NRXN1: variants seen among roughly 807,000 people sequenced by gnomAD.
NRXN1 encodes the protein neurexin 1.
A neutral mutation model predicts 150.9 loss-of-function variants in NRXN1; 39 were observed. That is an observed-to-expected ratio of 0.26 (90% confidence interval 0.20 to 0.34). The LOEUF (loss-of-function observed/expected upper bound fraction) is 0.34. Among genes scored for constraint, NRXN1 ranks in the 10% least tolerant of loss-of-function variants. NRXN1 has a pLI of 1.00. For synonymous variants in NRXN1, 924 were observed against 757.0 expected (o/e 1.22, Z -3.62); for missense variants, 1,815 against 1,949.9 (o/e 0.93, Z 1.30).
intron 17 of NRXN1, among the ~76,000 whole-genome samples, chr2:50,412,119 ACT>A (rs2083232004): frequency 6.6e-6 from 1 of 151,998 alleles, no homozygotes; most frequent in Admixed American, 6.6e-5. Flanking sequence ...AAGGCAGCAT[ACT>A]CATTAAGTCA....
In NRXN1 at chr2:50,538,426, C is replaced by T. The variant is rs781319797; in HGVS notation, c.1970G>A (p.Arg657Gln). ...AGTACTTTGAACTTCAGCCATTTGC[C>T]GGATATCTTTGCTTTGGCCATCGAT... ...LFIDGQSKDI[R>Q]QMAEVQSTAG... The change falls in exon 10 of 23, where the codon CGG becomes CAG. Residue 657 changes from arginine to glutamine, a missense_variant. Arg to Gln is a conservative substitution (Grantham distance 43). Around this residue, in one of 6 missense-constraint regions of NRXN1, gnomAD observed 638 missense variants for 652.6 expected, o/e 0.98. Coordinates refer to ENST00000401669, the MANE Select transcript of NRXN1 (RefSeq NM_001330078.2). 12 of 1,613,918 alleles carry T rather than the reference C, an allele frequency of 7.4e-6. No individual in the cohort carries two copies. In the East Asian group the frequency reaches 1.1e-4, roughly 15 times the overall value.
chr2:50,597,323 T>G (rs1474441316), intron 8 of NRXN1, among the ~76,000 whole-genome samples: 1 of 152,146 alleles, frequency 6.6e-6, no homozygotes, highest in Admixed American at 6.5e-5. Context: ...CAGTCTCTCT[T>G]ATCTACTACT....
At chr2:50,888,540 T>A (rs143923628) in intron 5 of NRXN1, among the ~76,000 whole-genome samples, 274 of 151,634 alleles carry the variant, frequency 1.8e-3, no homozygotes, top group African/African-American at 6.3e-3. Flanking sequence ...TTGCTCCCTC[T>A]GTTATCTTTT....
intron 17 of NRXN1, among the ~76,000 whole-genome samples, chr2:50,404,073 A>G (rs932681747): frequency 1.3e-5 from 2 of 151,510 alleles, no homozygotes; most frequent in Non-Finnish European, 2.9e-5. Flanking sequence ...TTTTTCACTT[A>G]CTCCCTACCC....
chr2:50,598,430 A>AC (rs1473899669), intron 8 of NRXN1, among the ~76,000 whole-genome samples: 1 of 151,314 alleles, frequency 6.6e-6, no homozygotes, highest in African/African-American at 2.4e-5. Flanking sequence ...AATAAAATAA[A>AC]CTTTTTTAAA....
rs1323306682 is a variant in NRXN1, at chr2:50,522,719, C to CCTTTTTTTTTTTTTTTTTT, written c.2374+5905_2374+5906insAAAAAAAAAAAAAAAAAAG. Among the ~76,000 whole-genome samples, 15 of 86,596 alleles carry CCTTTTTTTTTTTTTTTTTT rather than the reference C, an allele frequency of 1.7e-4. 6 individuals are homozygous for CCTTTTTTTTTTTTTTTTTT. Among genetic ancestry groups the CCTTTTTTTTTTTTTTTTTT allele is most frequent in the African/African-American group, 2.4e-4 (4 of 16,768 alleles). The allele number at this position is 86,596 out of a possible 152,430, so 56.8% of individuals were successfully genotyped here. On this transcript the variant is annotated intron_variant, in intron 12 of 22. Transcript: ENST00000401669. ...TTCCATTTATTCATTTATTTTTATT[C>CCTTTTTTTTTTTTTTTTTT]ATTTTTTTTTTTTTTTTTTTTTTTT...
rs185211707 is a variant in NRXN1, at chr2:50,421,046, A to G, written c.3364+44396T>C. Among the ~76,000 whole-genome samples, 378 of 144,052 alleles carry G rather than the reference A, an allele frequency of 2.6e-3. 3 individuals carry two copies. Among genetic ancestry groups the G allele is most frequent in the African/African-American group, 9.3e-3 (363 of 38,994 alleles). 94.5% of individuals were successfully genotyped at this position (144,052 alleles called of 152,430 possible). ...TCACATTGTTCTATCCCTCTGGCCT[A>G]CCATATTCTTATTCATATATCTTGC... is the stretch of plus-strand genomic sequence containing the variant. On this transcript the variant is annotated intron_variant, in intron 17 of 22. Transcript: ENST00000401669.
chr2:50,490,213 T>C (rs919948901), intron 15 of NRXN1, among the ~76,000 whole-genome samples: 2 of 152,190 alleles, frequency 1.3e-5, no homozygotes, highest in African/African-American at 4.8e-5. Context: ...GGCTCATCCA[T>C]CCCATTGAAG....
At chr2:50,328,922 GCA>G (rs1254662968) in intron 17 of NRXN1, among the ~76,000 whole-genome samples, 1 of 152,064 alleles carries the variant, frequency 6.6e-6, no homozygotes, top group East Asian at 1.9e-4. Context: ...GTTATTTCAA[GCA>G]CAGTTATCTG....
intron 5 of NRXN1, among the ~76,000 whole-genome samples, chr2:50,671,641 C>T (rs1688871760): frequency 6.6e-6 from 1 of 151,380 alleles, no homozygotes; most frequent in African/African-American, 2.4e-5. Context: ...AGCATGCTGG[C>T]CTTGAGGAAA....
At chr2:50,802,483 T>A (rs2111193) in intron 5 of NRXN1, among the ~76,000 whole-genome samples, 71,461 of 138,972 alleles carry the variant, frequency 0.51, 18,295 homozygotes, top group African/African-American at 0.63. Flanking sequence ...CAAGAGTGAA[T>A]CTCTGAGAAA....
intron 2 of NRXN1, among the ~76,000 whole-genome samples, chr2:50,933,340 A>C (rs1688050902): frequency 6.6e-6 from 1 of 152,148 alleles, no homozygotes; most frequent in Non-Finnish European, 1.5e-5. Context: ...CACATAAAAT[A>C]TATTTGCTCT....
intron 5 of NRXN1, among the ~76,000 whole-genome samples, chr2:50,889,007 G>A (rs1240489904): frequency 6.6e-6 from 1 of 151,700 alleles, no homozygotes; most frequent in Admixed American, 6.6e-5. Context: ...CTACTTTACA[G>A]ATCAAACTAT....
chr2:50,859,838 TTG>T (rs58904379), intron 5 of NRXN1, among the ~76,000 whole-genome samples: 23,081 of 147,484 alleles, frequency 0.16, 1,898 homozygotes, highest in Admixed American at 0.22. Context: ...ACAATTATGT[TTG>T]TGTGTGTGTG....
In NRXN1 at chr2:50,693,565, G is replaced by A. The variant is rs1574125300; in HGVS notation, c.833-69950C>T. ...CCACAAATGCAAAAATGGCACAACTGCACTACTGAAATAAATACGTTGAAT... is the reference window on the plus strand; with the variant it reads ...CCACAAATGCAAAAATGGCACAACTACACTACTGAAATAAATACGTTGAAT... On this transcript the variant is annotated intron_variant, in intron 5 of 22. Coordinates refer to ENST00000401669, the MANE Select transcript of NRXN1 (RefSeq NM_001330078.2). Among the ~76,000 whole-genome samples the A allele has an allele frequency of 2.0e-5, 3 of 152,188 alleles. No homozygotes were observed. In the South Asian group the frequency reaches 6.2e-4, roughly 32 times the overall value.
At chr2:50,672,005 C>A (rs1401015449) in intron 5 of NRXN1, among the ~76,000 whole-genome samples, 1 of 151,706 alleles carries the variant, frequency 6.6e-6, no homozygotes, top group Non-Finnish European at 1.5e-5. Context: ...TTTAAATATT[C>A]AACTTGGTAC....
rs71404969 is a variant in NRXN1, at chr2:50,610,642, CATATATATATAT to C, written c.1320+9368_1320+9379del. ...GCCTGGCACATACTATAAATAGATACATATATATATATATATATATATATATATATATATATC... is the reference window on the plus strand; with the variant it reads ...GCCTGGCACATACTATAAATAGATACATATATATATATATATATATATATC... On this transcript the variant is annotated intron_variant, in intron 8 of 22. Coordinates refer to ENST00000401669, the MANE Select transcript of NRXN1 (RefSeq NM_001330078.2). Among the ~76,000 whole-genome samples, 130 of 42,876 alleles carry C rather than the reference CATATATATATAT, an allele frequency of 3.0e-3. 8 individuals are homozygous for C. The highest frequency in any genetic ancestry group is 0.017 in the East Asian group (25 of 1,496). The allele number at this position is 42,876 out of a possible 152,430, so 28.1% of individuals were successfully genotyped here. A position where few individuals can be genotyped will look rare whatever the true frequency, so the allele number is the denominator to read the frequency against.
chr2:50,737,671 C>T (rs948114540), intron 5 of NRXN1, among the ~76,000 whole-genome samples: 4 of 151,948 alleles, frequency 2.6e-5, no homozygotes, highest in African/African-American at 7.3e-5. Context: ...TGGATGATCG[C>T]CCTCTATAAC....
chr2:50,124,648 A>G (rs1240228626), intron 18 of NRXN1, among the ~76,000 whole-genome samples: 2 of 151,860 alleles, frequency 1.3e-5, no homozygotes, highest in East Asian at 3.9e-4. Flanking sequence ...CTCCACCCCA[A>G]CCCCTGACAA....
Sources: gnomAD v4.1 joint callset for allele counts (sites outside exome capture counted in the v4.1 genomes callset) on GRCh38, gnomAD v4.1.1 for gene constraint, gnomAD v4.1.1 regional missense constraint, MANE v1.5 for transcripts, NCBI Gene and HGNC (gene_info 2026-07-23, HGNC 2026-07-21) for gene names.